Variants in DCDC2 observed in about 807,000 individuals in gnomAD.
The protein encoded by DCDC2 is doublecortin domain-containing protein 2.
In DCDC2, 40 loss-of-function variants were observed where a neutral mutation model predicts 50.2. That is an observed-to-expected ratio of 0.80 (90% CI 0.62 to 1.04). The LOEUF (loss-of-function observed/expected upper bound fraction) is 1.04. DCDC2 is among the 50% of genes least tolerant of loss of function. The pLI is 0.00. For synonymous variants in DCDC2, 234 were observed against 210.6 expected (o/e 1.11, Z -0.96); for missense variants, 570 against 581.9 (o/e 0.98, Z 0.21).
upstream of DCDC2, among the ~76,000 whole-genome samples, chr6:24,359,971 G>T (rs1362723592): frequency 6.6e-6 from 1 of 152,174 alleles, no homozygotes; most frequent in Admixed American, 6.5e-5. Context: ...ACCGACACTC[G>T]CGTGCTGGAG....
the DCDC2 span, among the ~76,000 whole-genome samples, chr6:24,368,396 C>T: frequency 2.0e-5 from 3 of 151,896 alleles, no homozygotes; most frequent in African/African-American, 7.3e-5. Flanking sequence ...CTTAGGATAT[C>T]GTAGTGATTC....
At chr6:24,271,111 C>A (rs1172707486) in intron 7 of DCDC2, among the ~76,000 whole-genome samples, 3 of 139,308 alleles carry the variant, frequency 2.2e-5, no homozygotes, top group Middle Eastern at 4.0e-3. Context: ...GTCCCAGCTA[C>A]GTGGGAGGAT....
chr6:24,332,105 T>A (rs1466306897), intron 2 of DCDC2, among the ~76,000 whole-genome samples: 1 of 152,208 alleles, frequency 6.6e-6, no homozygotes, highest in Non-Finnish European at 1.5e-5. Flanking sequence ...TGAATTGTAA[T>A]TGAAATACAT....
chr6:24,243,117 A>G (rs1762600411), intron 7 of DCDC2, among the ~76,000 whole-genome samples: 1 of 152,242 alleles, frequency 6.6e-6, no homozygotes, highest in African/African-American at 2.4e-5. Context: ...GACACAAAAC[A>G]GAAGAGAAAA....
rs961036759 is a variant in DCDC2 at position 24,209,768 on chromosome 6, G to A, written c.923-4666C>T. 7.2e-5 allele frequency among the ~76,000 whole-genome samples: 11 copies of A among 152,236 alleles called. No homozygotes were observed. In the East Asian group the frequency reaches 1.9e-3, roughly 27 times the overall value. On this transcript the variant is annotated intron_variant, in intron 7 of 9. Coordinates refer to ENST00000378454, the MANE Select transcript of DCDC2 (RefSeq NM_016356.5). ...TATAAAAGTAACTCTTCTCTAGGTAGTAAAAGTGAGCTCTTGGGAAAAGTA... is the reference window on the plus strand; with the variant it reads ...TATAAAAGTAACTCTTCTCTAGGTAATAAAAGTGAGCTCTTGGGAAAAGTA...
intron 4 of DCDC2, among the ~76,000 whole-genome samples, chr6:24,295,920 A>C (rs1428416761): frequency 6.6e-6 from 1 of 152,200 alleles, no homozygotes; most frequent in African/African-American, 2.4e-5. Context: ...TTACAGATTC[A>C]ATATTACTGC....
chr6:24,210,021 TGTGTG>T (rs1761825959), intron 7 of DCDC2, among the ~76,000 whole-genome samples: 2 of 46,996 alleles, frequency 4.3e-5, no homozygotes, highest in South Asian at 1.8e-3. Context: ...AGTATCAGGG[TGTGTG>T]TGTGTGTGTG....
At chr6:24,285,025 C>T (rs1309627126) in intron 6 of DCDC2, among the ~76,000 whole-genome samples, 2 of 152,058 alleles carry the variant, frequency 1.3e-5, no homozygotes, top group Non-Finnish European at 2.9e-5. Flanking sequence ...TCATCCCATC[C>T]ATACCCTCCC....
chr6:24,351,481 T>C (rs1308352325), intron 2 of DCDC2, among the ~76,000 whole-genome samples: 1 of 152,200 alleles, frequency 6.6e-6, no homozygotes, highest in Non-Finnish European at 1.5e-5. Context: ...CATTTCACAA[T>C]TTCTTCTACT....
At chr6:24,300,355 C>A (rs1221107555) in intron 4 of DCDC2, among the ~76,000 whole-genome samples, 1 of 152,116 alleles carries the variant, frequency 6.6e-6, no homozygotes, top group Non-Finnish European at 1.5e-5. Flanking sequence ...GCACTCCAGC[C>A]TGGGTGACAC....
chr6:24,278,870 G>T (rs983498945), intron 6 of DCDC2, among the ~76,000 whole-genome samples: 2 of 152,184 alleles, frequency 1.3e-5, no homozygotes, highest in African/African-American at 4.8e-5. Flanking sequence ...GACCACCATG[G>T]TCTCTAAGAA....
intron 8 of DCDC2, 27 bp from the exon 9 acceptor site, chr6:24,178,659 A>T: frequency 6.3e-7 from 1 of 1,591,762 alleles, no homozygotes; most frequent in African/African-American, 1.3e-5. Flanking sequence ...AATAATGGAT[A>T]AAAGTAAGAA....
intron 8 of DCDC2, among the ~76,000 whole-genome samples, chr6:24,183,751 CT>C (rs1469059478): frequency 6.6e-6 from 1 of 152,184 alleles, no homozygotes; most frequent in Admixed American, 6.5e-5. Context: ...ATAAATACCA[CT>C]GTCTCCGAGA....
chr6:24,329,752 T>A (rs371509664), intron 2 of DCDC2, among the ~76,000 whole-genome samples: 122 of 152,280 alleles, frequency 8.0e-4, no homozygotes, highest in African/African-American at 2.7e-3. Flanking sequence ...ACATGAAACA[T>A]TCTTTCCTGC....
intron 8 of DCDC2, among the ~76,000 whole-genome samples, chr6:24,180,214 T>A (rs1206501732): frequency 6.6e-5 from 10 of 152,186 alleles, no homozygotes; most frequent in Non-Finnish European, 1.5e-5. Context: ...TTCCCATTTG[T>A]TACAATACAT....
intron 7 of DCDC2, among the ~76,000 whole-genome samples, chr6:24,208,551 G>A (rs572631530): frequency 2.5e-4 from 38 of 151,812 alleles, no homozygotes; most frequent in Admixed American, 7.9e-4. Context: ...TGTATTTTTA[G>A]TAGAGACAAG....
chr6:24,297,031 T>C (rs564251009), intron 4 of DCDC2, among the ~76,000 whole-genome samples: 8 of 152,328 alleles, frequency 5.3e-5, no homozygotes, highest in African/African-American at 1.9e-4. Flanking sequence ...ATTGCAGCAC[T>C]ATTCACAGTA....
In DCDC2 at chr6:24,335,009, C is replaced by T. The variant is rs141501631; in HGVS notation, c.348+18560G>A. Among the ~76,000 whole-genome samples, 10 of 152,278 alleles carry T rather than the reference C, an allele frequency of 6.6e-5. No homozygotes were observed. The East Asian group carries it at 1.9e-3, about 29-fold the overall frequency. ...TTTTATGATGGTGACTAAATGATCACGAGATTCCCAAGATTAAAAGACTTG... is the reference window on the plus strand; with the variant it reads ...TTTTATGATGGTGACTAAATGATCATGAGATTCCCAAGATTAAAAGACTTG... On this transcript the variant is annotated intron_variant, in intron 2 of 9. Coordinates refer to ENST00000378454, the MANE Select transcript of DCDC2 (RefSeq NM_016356.5).
intron 2 of DCDC2, among the ~76,000 whole-genome samples, chr6:24,317,821 A>G (rs886946111): frequency 3.9e-5 from 6 of 151,938 alleles, no homozygotes; most frequent in Non-Finnish European, 8.8e-5. Flanking sequence ...TTATACTCTG[A>G]TAGAAAAAAT....
Sources: gnomAD v4.1 joint callset for allele counts (sites outside exome capture counted in the v4.1 genomes callset) on GRCh38, gnomAD v4.1.1 for gene constraint, MANE v1.5 for transcripts, NCBI Gene and HGNC (gene_info 2026-07-23, HGNC 2026-07-21) for gene names.